Variants in ELN observed in about 807,000 individuals in gnomAD.
The protein encoded by ELN is tropoelastin.
In ELN, 65 loss-of-function variants were observed where a neutral mutation model predicts 105.8. The observed-to-expected ratio is 0.61, with a 90% CI of 0.50 to 0.75. The LOEUF (loss-of-function observed/expected upper bound fraction) is 0.75, where lower values mean the gene tolerates loss of function less well. Among genes scored for constraint, ELN ranks in the 30% least tolerant of loss-of-function variants. ELN has a pLI of 0.00. For synonymous variants in ELN, 368 were observed against 389.2 expected (o/e 0.95, Z 0.64); for missense variants, 882 against 969.4 (o/e 0.91, Z 1.20).
At chr7:74,065,050 G>A (rs1455939431) in intron 29 of ELN, among the ~76,000 whole-genome samples, 4 of 151,722 alleles carry the variant, frequency 2.6e-5, no homozygotes, top group African/African-American at 9.7e-5. Flanking sequence ...AGACCAGCCT[G>A]GACAATGTAG....
At chr7:74,052,201 G>C in intron 17 of ELN, 1 of 600,928 alleles carries the variant, frequency 1.7e-6, no homozygotes, top group South Asian at 2.0e-5. Context: ...CTGCAGAGGG[G>C]ACATGGCTCC....
intron 26 of ELN, among the ~76,000 whole-genome samples, chr7:74,062,487 GGCT>G (rs539516872): frequency 7.0e-4 from 106 of 152,314 alleles, no homozygotes; most frequent in African/African-American, 2.4e-3. Context: ...ATAAAAAATG[GGCT>G]GCTAAGTGTG....
rs1554686008 is a variant in ELN at position 74,063,169 on chromosome 7, G to T, written c.1803G>T (p.Gly601=). The T allele has an allele frequency of 3.7e-6, 6 of 1,608,410 alleles. No individual in the cohort carries two copies. Among genetic ancestry groups the T allele is most frequent in the African/African-American group, 1.3e-5 (1 of 74,760 alleles). The part of the protein sequence containing the change: ...KAAKYGAAVP[G]VLGGLGALGG... ...TCCCCGCAGGAGCAGCAGTGCCTGG[G>T]GTCCTTGGAGGGCTCGGGGCTCTCG... is the stretch of plus-strand genomic sequence containing the variant. Residue 601 remains glycine (G), a synonymous_variant, in exon 27 of 33, where the codon GGG becomes GGT. Coordinates refer to ENST00000252034, the MANE Select transcript of ELN (RefSeq NM_000501.4). The surrounding 1 kb of genome is among the most constrained non-coding windows in gnomAD (Gnocchi z 4.1).
At chr7:74,034,566 G>A (rs192918860) in intron 1 of ELN, among the ~76,000 whole-genome samples, 54 of 152,334 alleles carry the variant, frequency 3.5e-4, no homozygotes, top group Non-Finnish European at 6.8e-4. Flanking sequence ...TTAGCCAGAT[G>A]TGGAGGTGCA....
rs184905831 is a variant in ELN at position 74,060,704 on chromosome 7, A to C, written c.1747+203A>C. The C allele has an allele frequency of 1.1e-4, 146 of 1,378,414 alleles. No homozygotes were observed. In the African/African-American group the frequency reaches 1.5e-3, roughly 14 times the overall value. 85.4% of individuals were successfully genotyped at this position (1,378,414 alleles called of 1,614,324 possible). ...GGGACCCCAGGCTGCCCAATTGCAGAGTATCTGCCTCCTCAGTAGAGGGGT... is the reference window on the plus strand; with the variant it reads ...GGGACCCCAGGCTGCCCAATTGCAGCGTATCTGCCTCCTCAGTAGAGGGGT... On this transcript the variant is annotated intron_variant, in intron 25 of 32. Coordinates refer to ENST00000252034, the MANE Select transcript of ELN (RefSeq NM_000501.4).
At chr7:74,035,738 C>G in intron 2 of ELN, 1 of 414,660 alleles carries the variant, frequency 2.4e-6, no homozygotes, top group East Asian at 5.0e-5. Context: ...TTAAAATTAG[C>G]CATGTTCTGC....
rs144341345 is a variant in ELN at position 74,056,399 on chromosome 7, C to G, written c.1279C>G (p.Pro427Ala). Reference protein sequence around the residue: ...VAGVPGVGGVPGVGGVPGVGI... With the variant: ...VAGVPGVGGVAGVGGVPGVGI... ...AGGTGTCCCTGGTGTCGGAGGTGTT[C>G]CCGGAGTCGGAGGTGTCCCGGGAGT... The change falls in exon 20 of 33, where the codon CCC becomes GCC. Residue 427 changes from proline (P) to alanine (A), a missense_variant. Physicochemically the swap from Pro to Ala is conservative, Grantham distance 27. Transcript: ENST00000252034. The G allele has an allele frequency of 4.7e-4, 759 of 1,613,542 alleles. 3 individuals are homozygous for G. The African/African-American group carries it at 8.9e-3, about 19-fold the overall frequency.
chr7:74,057,521 C>T (rs1390406332), intron 21 of ELN, 119 bp from the exon 22 acceptor site: 41 of 1,603,908 alleles, frequency 2.6e-5, no homozygotes, highest in Non-Finnish European at 3.2e-5. Flanking sequence ...ATGGAAGGGT[C>T]CCTGGAGTTG....
chr7:74,031,323 G>GA (rs1417819439), intron 1 of ELN, among the ~76,000 whole-genome samples: 5 of 152,156 alleles, frequency 3.3e-5, no homozygotes, highest in South Asian at 2.1e-4. Context: ...TATCTGGGGG[G>GA]AAAAAAAGCA....
At chr7:74,044,215 T>C (rs1447756849) in intron 9 of ELN, among the ~76,000 whole-genome samples, 4 of 152,080 alleles carry the variant, frequency 2.6e-5, no homozygotes, top group African/African-American at 9.7e-5. Flanking sequence ...CACAGCAGCC[T>C]GGGTGACAGA....
At position 74,063,446 on chromosome 7, in the gene ELN, A is replaced by G; in HGVS notation, c.1918+77A>G. ...GTGTGGGAGGAGCTTCTGACCAGGC[A>G]CTGTAGACTCAGAGTCCCTGCCCCA... On this transcript the variant is annotated intron_variant, in intron 28 of 32. Transcript: ENST00000252034. This position sits in a 1 kb window ranked among gnomAD's most constrained non-coding sequence, Gnocchi z 4.1. 6.4e-7 allele frequency: 1 copy of G among 1,562,070 alleles called. No individual in the cohort carries two copies. Among genetic ancestry groups the G allele is most frequent in the East Asian group, 2.4e-5 (1 of 42,020 alleles).
intron 22 of ELN, among the ~76,000 whole-genome samples, chr7:74,058,747 G>T (rs1490970004): frequency 5.3e-5 from 8 of 152,194 alleles, no homozygotes; most frequent in Non-Finnish European, 1.2e-4. Context: ...GGCAAATCGT[G>T]GCAGCACCAA....
At chr7:74,042,427 C>CAA (rs141916734) in intron 5 of ELN, among the ~76,000 whole-genome samples, 187 bp from the exon 6 acceptor site, 9 of 142,420 alleles carry the variant, frequency 6.3e-5, no homozygotes, top group East Asian at 2.1e-4. Flanking sequence ...GACCTTGTGT[C>CAA]AAAAAAAAAA....
At chr7:74,037,906 G>A in intron 4 of ELN, 167 bp downstream of exon 4, 1 of 1,007,106 alleles carries the variant, frequency 9.9e-7, no homozygotes, top group East Asian at 2.7e-5. Context: ...GGATGAGTAG[G>A]CCGGGGCCAG....
intron 4 of ELN, chr7:74,037,970 G>A (rs896627110): frequency 3.4e-6 from 2 of 583,426 alleles, no homozygotes; most frequent in Admixed American, 5.7e-5. Flanking sequence ...TCCTCCCTGT[G>A]TGAGGGCGTC....
chr7:74,034,476 C>T (rs1381470960), intron 1 of ELN, among the ~76,000 whole-genome samples: 4 of 149,992 alleles, frequency 2.7e-5, no homozygotes, highest in Non-Finnish European at 1.5e-5. Flanking sequence ...CTTTAGGAGG[C>T]CAAGGCAGGA....
In ELN at chr7:74,028,220, C is replaced by T. The variant is rs373864057; in HGVS notation, c.33C>T (p.Pro11=). The change falls in exon 1 of 33, where the codon CCC becomes CCT. Residue 11 remains proline, a synonymous_variant. Coordinates refer to ENST00000252034, the MANE Select transcript of ELN (RefSeq NM_000501.4). The part of the protein sequence containing the change: MAGLTAAAPR[P]GVLLLLLSIL... ...GTCTGACGGCGGCGGCCCCGCGGCC[C>T]GGAGTCCTCCTGCTCCTGCTGTCCA... 4.2e-5 allele frequency: 68 copies of T among 1,611,088 alleles called. No individual in the cohort carries two copies. Among genetic ancestry groups the T allele is most frequent in the Non-Finnish European group, 5.3e-5 (62 of 1,179,714 alleles).
intron 10 of ELN, 127 bp from the exon 11 acceptor site, chr7:74,046,061 G>A (rs1185654080): frequency 7.6e-7 from 1 of 1,315,998 alleles, no homozygotes; most frequent in Non-Finnish European, 1.1e-6. Flanking sequence ...CAGAGTTCAT[G>A]TGAGCGCAGC....
At chr7:74,032,533 T>C (rs1788936737) in intron 1 of ELN, among the ~76,000 whole-genome samples, 1 of 152,232 alleles carries the variant, frequency 6.6e-6, no homozygotes, top group African/African-American at 2.4e-5. Context: ...GCAGGAATCC[T>C]TCGTAGCCCC....
Sources: gnomAD v4.1 joint callset for allele counts (sites outside exome capture counted in the v4.1 genomes callset) on GRCh38, gnomAD v4.1.1 for gene constraint, Gnocchi (gnomAD v3.1) non-coding constraint, MANE v1.5 for transcripts, NCBI Gene and HGNC (gene_info 2026-07-23, HGNC 2026-07-21) for gene names.